ZNF469: variants seen among roughly 807,000 people sequenced by gnomAD.
The protein encoded by ZNF469 is zinc finger protein 469.
In ZNF469, 1 loss-of-function variant was observed where a neutral mutation model predicts 1.0. The observed-to-expected ratio is 1.00, with a 90% CI of 0.35 to 4.73. The LOEUF (loss-of-function observed/expected upper bound fraction) is 4.73. Among genes scored for constraint, ZNF469 ranks in the 30% most tolerant of loss-of-function variants. ZNF469 has a pLI of 0.16. For missense variants in ZNF469, 6,100 were observed against 5,356.3 expected (o/e 1.14, Z -4.33); for synonymous variants, 2,703 against 2,363.4 (o/e 1.14, Z -4.17).
At position 88,431,246 on chromosome 16, in the gene ZNF469, G is replaced by A. The variant is rs886052403; in HGVS notation, c.3776G>A (p.Ser1259Asn). The A allele has an allele frequency of 1.9e-6, 3 of 1,550,386 alleles. No homozygotes were observed. The highest frequency in any genetic ancestry group is 1.2e-5 in the South Asian group (1 of 84,070). ...GCCTGTGCGGGAGAAATGGGAGCAAGCCCCGGTCTCCTGATACCAGAGCAG... is the reference window on the plus strand; with the variant it reads ...GCCTGTGCGGGAGAAATGGGAGCAAACCCCGGTCTCCTGATACCAGAGCAG... ...PAACAGEMGA[S>N]PGLLIPEQPP... Residue 1259 changes from serine (S) to asparagine (N), a missense_variant, in exon 3 of 3, where the codon AGC becomes AAC. Coordinates refer to ENST00000565624, the MANE Select transcript of ZNF469 (RefSeq NM_001367624.2).
the ZNF469 span, among the ~76,000 whole-genome samples, chr16:88,239,106 G>A: frequency 7.2e-5 from 11 of 152,074 alleles, no homozygotes; most frequent in African/African-American, 2.4e-4. Flanking sequence ...TCTGGAGTCT[G>A]GGTCTAGCTC....
the ZNF469 span, among the ~76,000 whole-genome samples, chr16:88,312,994 A>G: frequency 1.1e-4 from 16 of 152,326 alleles, 1 homozygote; most frequent in African/African-American, 3.8e-4. Context: ...AGGAAAAAGG[A>G]GCTGATTGAC....
chr16:88,153,226 C>T, the ZNF469 span, among the ~76,000 whole-genome samples: 14 of 152,236 alleles, frequency 9.2e-5, no homozygotes, highest in Admixed American at 3.3e-4. Flanking sequence ...GGCTGCACCA[C>T]AGCGGAGCCT....
the ZNF469 span, among the ~76,000 whole-genome samples, chr16:88,230,608 G>C: frequency 5.5e-4 from 10 of 18,146 alleles, no homozygotes; most frequent in East Asian, 1.5e-3. Flanking sequence ...CTCCGGGGAC[G>C]CCCCCTCTCC....
the ZNF469 span, among the ~76,000 whole-genome samples, chr16:88,262,728 C>T: frequency 6.6e-6 from 1 of 152,110 alleles, no homozygotes; most frequent in Non-Finnish European, 1.5e-5. The surrounding 1 kb of genome is among the most constrained non-coding windows in gnomAD (Gnocchi z 4.3). Context: ...AGGCTTGATG[C>T]TGGGCAGGGC....
At chr16:88,408,071 C>G (rs1905063600) in intron 1 of ZNF469, among the ~76,000 whole-genome samples, 1 of 152,226 alleles carries the variant, frequency 6.6e-6, no homozygotes, top group Non-Finnish European at 1.5e-5. Flanking sequence ...TTCCTGTAAG[C>G]TTTTTGGTTT....
At chr16:88,346,597 C>T in the ZNF469 span, among the ~76,000 whole-genome samples, 19 of 152,272 alleles carry the variant, frequency 1.2e-4, no homozygotes, top group Non-Finnish European at 2.4e-4. Flanking sequence ...TGGCTCACCG[C>T]GGCCTGAACC....
chr16:88,336,788 C>G, the ZNF469 span, among the ~76,000 whole-genome samples: 1 of 152,226 alleles, frequency 6.6e-6, no homozygotes, highest in Non-Finnish European at 1.5e-5. Context: ...CAAAGTTATG[C>G]GACCATCACC....
At chr16:88,121,214 A>G in the ZNF469 span, among the ~76,000 whole-genome samples, 1 of 67,818 alleles carries the variant, frequency 1.5e-5, no homozygotes, top group East Asian at 3.6e-4. Context: ...ACTGTGTACC[A>G]TGCATGGTGA....
In ZNF469 at chr16:88,428,397, C is replaced by G; in HGVS notation, c.927C>G (p.Pro309=). ...NGPLVFAFHQ[P]QGAWPEEAVG... ...CACTGGTGTTTGCCTTCCATCAGCC[C>G]CAGGGAGCGTGGCCGGAGGAGGCCG... Residue 309 remains proline (P), a synonymous_variant, in exon 3 of 3, where the codon CCC becomes CCG. Coordinates refer to ENST00000565624, the MANE Select transcript of ZNF469 (RefSeq NM_001367624.2). 1 of 1,548,494 alleles carries G rather than the reference C, an allele frequency of 6.5e-7. No individual in the cohort carries two copies. Among genetic ancestry groups the G allele is most frequent in the Non-Finnish European group, 8.7e-7 (1 of 1,146,868 alleles).
At chr16:88,208,745 C>A in the ZNF469 span, among the ~76,000 whole-genome samples, 2 of 149,814 alleles carry the variant, frequency 1.3e-5, no homozygotes, top group African/African-American at 4.9e-5. Context: ...ATATCTGCAT[C>A]TATAATCTGT....
chr16:88,366,807 G>A, the ZNF469 span, among the ~76,000 whole-genome samples: 2 of 143,734 alleles, frequency 1.4e-5, no homozygotes, highest in Non-Finnish European at 3.0e-5. Flanking sequence ...TACCATTACT[G>A]TCATCACCAC....
At chr16:88,203,446 C>G in the ZNF469 span, among the ~76,000 whole-genome samples, 4 of 149,060 alleles carry the variant, frequency 2.7e-5, no homozygotes, top group East Asian at 2.1e-4. Flanking sequence ...AGCAGGGCCC[C>G]GTGTGAGCTC....
the ZNF469 span, among the ~76,000 whole-genome samples, chr16:88,350,806 A>G: frequency 1.3e-5 from 2 of 152,228 alleles, no homozygotes; most frequent in African/African-American, 2.4e-5. Flanking sequence ...CCCTGAGCCC[A>G]GCAATGCAGG....
At chr16:88,132,394 G>A in the ZNF469 span, among the ~76,000 whole-genome samples, 2 of 152,224 alleles carry the variant, frequency 1.3e-5, no homozygotes, top group South Asian at 4.1e-4. Flanking sequence ...TCCCTCCTGG[G>A]TGCTCAGCCC....
chr16:88,115,450 C>T, the ZNF469 span, among the ~76,000 whole-genome samples: 1 of 152,008 alleles, frequency 6.6e-6, no homozygotes, highest in African/African-American at 2.4e-5. Flanking sequence ...TCATGTCAGC[C>T]TTGCACAGTG....
chr16:88,401,908 AGGG>A, intron 1 of ZNF469, among the ~76,000 whole-genome samples: 1 of 62,432 alleles, frequency 1.6e-5, no homozygotes, highest in South Asian at 3.9e-4. Context: ...GGATGGATGG[AGGG>A]ATGGATGGAT....
chr16:88,141,775 T>C, the ZNF469 span, among the ~76,000 whole-genome samples: 2 of 152,024 alleles, frequency 1.3e-5, no homozygotes, highest in East Asian at 3.9e-4. Flanking sequence ...GCAGAGGTCG[T>C]GGTGACGTCA....
chr16:88,308,673 G>A, the ZNF469 span, among the ~76,000 whole-genome samples: 1 of 152,192 alleles, frequency 6.6e-6, no homozygotes, highest in Admixed American at 6.5e-5. Context: ...GCATGGTGAG[G>A]GCTGGAAGAC....
Sources: gnomAD v4.1 joint callset for allele counts (sites outside exome capture counted in the v4.1 genomes callset) on GRCh38, gnomAD v4.1.1 for gene constraint, Gnocchi (gnomAD v3.1) non-coding constraint, MANE v1.5 for transcripts, NCBI Gene and HGNC (gene_info 2026-07-23, HGNC 2026-07-21) for gene names.